The following SUPT3H variants were observed in gnomAD, a reference collection of about 807,000 sequenced individuals.
The protein encoded by SUPT3H is SPT3 homolog, SAGA and STAGA complex component.
In SUPT3H, 44 loss-of-function variants were observed where a neutral mutation model predicts 44.3. The ratio of observed to expected loss-of-function variants is 0.99; its 90% CI spans 0.78 to 1.28. The LOEUF (loss-of-function observed/expected upper bound fraction) is 1.28, where lower values mean the gene tolerates loss of function less well. Among genes scored for constraint, SUPT3H ranks in the 50% most tolerant of loss-of-function variants. SUPT3H has a pLI of 0.00. For missense variants in SUPT3H, 380 were observed against 387.1 expected (o/e 0.98, Z 0.15); for synonymous variants, 124 against 125.6 (o/e 0.99, Z 0.09).
rs531161081 is a variant in SUPT3H at position 45,036,602 on chromosome 6, C to T, written c.187-15970G>A. On this transcript the variant is annotated intron_variant, in intron 3 of 10. Transcript: ENST00000371459. Reference sequence around the variant, plus strand: ...GTTTAAGTTATAATAATTCTAAACACCAGAAAATAATGAAAAAATGCCTTC... The same window carrying T: ...GTTTAAGTTATAATAATTCTAAACATCAGAAAATAATGAAAAAATGCCTTC... Among the ~76,000 whole-genome samples, 30 of 152,056 alleles carry T rather than the reference C, an allele frequency of 2.0e-4. 1 individual carries two copies. The highest frequency in any genetic ancestry group is 7.0e-4 in the African/African-American group (29 of 41,500).
chr6:45,153,093 A>G (rs1020226255), intron 2 of SUPT3H, among the ~76,000 whole-genome samples: 2 of 152,162 alleles, frequency 1.3e-5, no homozygotes, highest in Admixed American at 6.6e-5. Flanking sequence ...TAGCTCAAAT[A>G]TCACCTTTCA....
At chr6:45,055,184 T>C (rs1233993026) in intron 3 of SUPT3H, among the ~76,000 whole-genome samples, 1 of 152,004 alleles carries the variant, frequency 6.6e-6, no homozygotes, top group Non-Finnish European at 1.5e-5. Flanking sequence ...CTAAAATATA[T>C]TATCTAAAGG....
chr6:45,329,915 C>T (rs1368208974), intron 2 of SUPT3H, among the ~76,000 whole-genome samples: 3 of 151,746 alleles, frequency 2.0e-5, no homozygotes, highest in African/African-American at 7.3e-5. Flanking sequence ...TAAAATAAAC[C>T]TTCTTGCTGT....
chr6:45,068,463 T>TA (rs891681391), intron 3 of SUPT3H, among the ~76,000 whole-genome samples: 2 of 148,948 alleles, frequency 1.3e-5, no homozygotes, highest in Non-Finnish European at 3.0e-5. Flanking sequence ...TAAAGTATAA[T>TA]AAAAAAATAA....
chr6:45,181,758 C>G (rs1395283948), intron 2 of SUPT3H, among the ~76,000 whole-genome samples: 2 of 151,194 alleles, frequency 1.3e-5, no homozygotes, highest in Non-Finnish European at 2.9e-5. Context: ...GGAGATATAC[C>G]TAATGCTAGA....
chr6:44,820,250 T>A (rs1299072239), intron 11 of SUPT3H, among the ~76,000 whole-genome samples: 1 of 152,126 alleles, frequency 6.6e-6, no homozygotes, highest in African/African-American at 2.4e-5. Context: ...AAATAAAATT[T>A]GACATAATAT....
chr6:45,115,728 T>C (rs1424687696), intron 2 of SUPT3H, among the ~76,000 whole-genome samples: 2 of 152,282 alleles, frequency 1.3e-5, no homozygotes, highest in East Asian at 1.9e-4. Flanking sequence ...GTGGTGATAA[T>C]GGCAAACATT....
chr6:45,226,786 C>T (rs1767031106), intron 2 of SUPT3H, among the ~76,000 whole-genome samples: 1 of 152,042 alleles, frequency 6.6e-6, no homozygotes, highest in African/African-American at 2.4e-5. Flanking sequence ...GCCCTGCCCT[C>T]CTAAAGTGCT....
At chr6:45,205,388 C>T (rs1763069995) in intron 2 of SUPT3H, among the ~76,000 whole-genome samples, 1 of 152,122 alleles carries the variant, frequency 6.6e-6, no homozygotes, top group African/African-American at 2.4e-5. Context: ...TTTCCACCTC[C>T]ATTAGGTCAT....
intron 2 of SUPT3H, among the ~76,000 whole-genome samples, chr6:45,249,755 C>T (rs1475421275): frequency 6.6e-6 from 1 of 151,936 alleles, no homozygotes; most frequent in Non-Finnish European, 1.5e-5. Flanking sequence ...AAGCTTTCAT[C>T]TTTGGGGAAG....
intron 6 of SUPT3H, among the ~76,000 whole-genome samples, chr6:44,995,686 A>G (rs1315816364): frequency 1.3e-5 from 2 of 152,060 alleles, no homozygotes; most frequent in African/African-American, 2.4e-5. Context: ...AAGCATCTAA[A>G]GAGCCTATTT....
At chr6:44,930,407 A>G (rs1770386058) in intron 10 of SUPT3H, among the ~76,000 whole-genome samples, 1 of 150,794 alleles carries the variant, frequency 6.6e-6, no homozygotes, top group African/African-American at 2.4e-5. Flanking sequence ...AAAAATTATT[A>G]CAAAAATTAG....
chr6:44,826,208 G>A (rs574820632), downstream of SUPT3H, among the ~76,000 whole-genome samples: 1 of 152,252 alleles, frequency 6.6e-6, no homozygotes, highest in African/African-American at 2.4e-5. Flanking sequence ...GCAAAGTTTT[G>A]TTGTTTAAGC....
chr6:45,227,341 G>A (rs1476111270), intron 2 of SUPT3H, among the ~76,000 whole-genome samples: 1 of 152,012 alleles, frequency 6.6e-6, no homozygotes, highest in African/African-American at 2.4e-5. Flanking sequence ...TTAGTAATAT[G>A]TTAATTAGTT....
In SUPT3H at chr6:45,228,394, C is replaced by A. The variant is rs957640830; in HGVS notation, c.102-122388G>T. Among the ~76,000 whole-genome samples, 26 of 152,132 alleles carry A rather than the reference C, an allele frequency of 1.7e-4. 2 individuals are homozygous for A. Among genetic ancestry groups the A allele is most frequent in the Non-Finnish European group, 1.8e-4 (12 of 68,012 alleles). ...CTCCTCCAAGTAAGAGAGAATTTTG[C>A]TGCTTTATAGCCTTAGAAATGAAAC... is the stretch of plus-strand genomic sequence containing the variant. On this transcript the variant is annotated intron_variant, in intron 2 of 10. Coordinates refer to ENST00000371459, the MANE Select transcript of SUPT3H (RefSeq NM_003599.4).
At chr6:45,016,471 TA>T (rs1370706363) in intron 4 of SUPT3H, among the ~76,000 whole-genome samples, 1 of 146,644 alleles carries the variant, frequency 6.8e-6, no homozygotes, top group African/African-American at 2.5e-5. Flanking sequence ...GCATTAGGTA[TA>T]TCTCATGCTA....
At chr6:45,275,357 TTTTAC>T (rs1331039906) in intron 2 of SUPT3H, among the ~76,000 whole-genome samples, 2 of 152,214 alleles carry the variant, frequency 1.3e-5, no homozygotes, top group Non-Finnish European at 2.9e-5. Context: ...GAGATGTATG[TTTTAC>T]TTTACCATTT....
At chr6:45,300,236 T>G (rs1449309676) in intron 2 of SUPT3H, among the ~76,000 whole-genome samples, 2 of 152,242 alleles carry the variant, frequency 1.3e-5, no homozygotes, top group African/African-American at 4.8e-5. Context: ...GAACAAATCT[T>G]TTAAATCCGA....
intron 6 of SUPT3H, among the ~76,000 whole-genome samples, chr6:44,973,931 C>T (rs1056439623): frequency 6.6e-6 from 1 of 152,268 alleles, no homozygotes; most frequent in Non-Finnish European, 1.5e-5. Context: ...TCCACCAGGT[C>T]CCTCCCACGA....
Sources: allele counts gnomAD v4.1 joint callset (sites outside exome capture counted in the v4.1 genomes callset), GRCh38; gene constraint gnomAD v4.1.1; transcripts MANE v1.5; gene names NCBI Gene and HGNC (gene_info 2026-07-23, HGNC 2026-07-21).